The following DNAJB14 variants were observed in gnomAD, a reference collection of about 807,000 sequenced individuals.
The protein encoded by DNAJB14 is dnaJ homolog subfamily B member 14.
DNAJB14 carries 22 observed loss-of-function variants against 48.4 expected under a neutral mutation model. That is an observed-to-expected ratio of 0.45 (90% CI 0.32 to 0.65). The LOEUF is 0.65. Ranked by LOEUF, DNAJB14 falls within the 30% of genes least tolerant of loss-of-function variation. The probability of loss-of-function intolerance (pLI) is 0.03; values close to 1 mark genes in which losing one functional copy is unlikely to be tolerated. For missense variants in DNAJB14, 319 were observed against 458.8 expected, an observed-to-expected ratio of 0.70 and a Z score of 2.78; for synonymous variants, 142 against 158.7, an observed-to-expected ratio of 0.89 and a Z score of 0.79.
intron 6 of DNAJB14, 30 bp downstream of exon 6, chr4:99,905,566 AT>A (rs2110193311): frequency 1.3e-6 from 2 of 1,557,348 alleles, no homozygotes; most frequent in East Asian, 2.3e-5. Flanking sequence ...GCAACAATTC[AT>A]TTTTTGTAAA....
At chr4:99,918,969 C>G (rs139269257) in intron 3 of DNAJB14, among the ~76,000 whole-genome samples, 1 of 152,122 alleles carries the variant, frequency 6.6e-6, no homozygotes, top group African/African-American at 2.4e-5. Context: ...TCTAGTTAAC[C>G]TTCTCTGTTA....
Position 99,905,639 on chromosome 4 carries a change from T to G in DNAJB14, c.800A>C (p.Gln267Pro), listed in dbSNP as rs773962808. Reference sequence around the variant, plus strand: ...ATAAGGAGGATTAGAGACCATCAACTGGCTTAATAATGACACGAGGATCAA... The same window carrying G: ...ATAAGGAGGATTAGAGACCATCAACGGGCTTAATAATGACACGAGGATCAA... The part of the protein sequence containing the change: ...IVLILVSLLS[Q>P]LMVSNPPYSL... The change falls in exon 6 of 8, where the codon CAG (glutamine) becomes CCG (proline). Residue 267 changes from glutamine to proline, a missense_variant. By Grantham distance (76) the Gln-to-Pro change is moderately conservative. Transcript: ENST00000442697. 1.2e-6 allele frequency: 2 copies of G among 1,611,978 alleles called. No homozygotes were observed. The highest frequency in any genetic ancestry group is 2.2e-5 in the South Asian group (2 of 91,004).
intron 2 of DNAJB14, chr4:99,924,641 T>C: frequency 7.6e-7 from 1 of 1,310,586 alleles, no homozygotes; most frequent in Middle Eastern, 1.9e-4. Flanking sequence ...GCATTTGACA[T>C]ATATCTGTAA....
At chr4:99,937,209 C>T (rs528822087) in intron 1 of DNAJB14, among the ~76,000 whole-genome samples, 1 of 151,928 alleles carries the variant, frequency 6.6e-6, no homozygotes, top group Non-Finnish European at 1.5e-5. Context: ...CCCAGCTACT[C>T]GGGAGGCTGA....
rs1726122998 is a variant in DNAJB14, at chr4:99,923,184, T to C, written c.307A>G (p.Ile103Val). The C allele has an allele frequency of 6.2e-7, 1 of 1,610,150 alleles. No homozygotes were observed. The highest frequency in any genetic ancestry group is 8.5e-7 in the Non-Finnish European group (1 of 1,178,190). ...TKDQVDGVLSINKCKNYYEVL... is the reference protein window; with the variant it reads ...TKDQVDGVLSVNKCKNYYEVL... Reference sequence around the variant, plus strand: ...TCATAGTAATTTTTACATTTGTTTATGCTGTGAACAAGAGAGTGTGTTATA... The same window carrying C: ...TCATAGTAATTTTTACATTTGTTTACGCTGTGAACAAGAGAGTGTGTTATA... The change falls in exon 3 of 8, where the codon ATA (isoleucine) becomes GTA (valine). Residue 103 changes from isoleucine (I) to valine (V), a missense_variant and splice_region_variant. Around this residue, in one of 3 missense-constraint regions of DNAJB14, gnomAD observed 116 missense variants for 134.6 expected, o/e 0.86. Transcript: ENST00000442697.
chr4:99,946,329 G>C (rs1727073964), intron 1 of DNAJB14, 110 bp downstream of exon 1: 2 of 1,504,032 alleles, frequency 1.3e-6, no homozygotes, highest in African/African-American at 1.4e-5. Context: ...GGCTGGCTCA[G>C]ACAGGCCGGG....
chr4:99,921,095 T>C (rs531471761), intron 3 of DNAJB14, among the ~76,000 whole-genome samples: 1 of 152,354 alleles, frequency 6.6e-6, no homozygotes, highest in South Asian at 2.1e-4. Flanking sequence ...TAACTACTGT[T>C]ACTCGCCAAG....
intron 1 of DNAJB14, among the ~76,000 whole-genome samples, chr4:99,936,148 GTAC>G: frequency 6.6e-6 from 1 of 152,230 alleles, no homozygotes; most frequent in East Asian, 1.9e-4. Flanking sequence ...GGGCTTTTAT[GTAC>G]TAAAATACAT....
chr4:99,940,937 C>CTATA (rs1162373717), intron 1 of DNAJB14, among the ~76,000 whole-genome samples: 3 of 149,342 alleles, frequency 2.0e-5, no homozygotes, highest in Non-Finnish European at 4.5e-5. Flanking sequence ...GAGACAATCC[C>CTATA]TATATATATA....
intron 1 of DNAJB14, 138 bp from the exon 2 acceptor site, chr4:99,930,759 G>A (rs912805739): frequency 1.2e-5 from 10 of 834,666 alleles, no homozygotes; most frequent in South Asian, 2.3e-5. Context: ...TAATTAGCAC[G>A]CATTCCCCTA....
chr4:99,905,993 C>A (rs1725452476), intron 5 of DNAJB14: 7 of 1,292,990 alleles, frequency 5.4e-6, no homozygotes, highest in Non-Finnish European at 6.9e-6. Flanking sequence ...CCCCCACACA[C>A]AGAGACGCTA....
intron 1 of DNAJB14, among the ~76,000 whole-genome samples, chr4:99,932,559 G>A (rs1726515247): frequency 6.6e-6 from 1 of 152,162 alleles, no homozygotes; most frequent in Non-Finnish European, 1.5e-5. Flanking sequence ...TAGTGAGAAT[G>A]TAAAATGATG....
intron 3 of DNAJB14, among the ~76,000 whole-genome samples, chr4:99,915,108 C>A (rs184591021): frequency 6.6e-6 from 1 of 152,114 alleles, no homozygotes; most frequent in African/African-American, 2.4e-5. Context: ...TGAGGCTGTT[C>A]TTCTTTTCTA....
chr4:99,906,001 C>A (rs1725453681), intron 5 of DNAJB14: 2 of 1,296,676 alleles, frequency 1.5e-6, no homozygotes, highest in Non-Finnish European at 2.0e-6. Flanking sequence ...CACAGAGACG[C>A]TATCAATATG....
chr4:99,910,767 G>T (rs776324904), intron 3 of DNAJB14, among the ~76,000 whole-genome samples: 8 of 151,004 alleles, frequency 5.3e-5, no homozygotes, highest in Non-Finnish European at 1.2e-4. Flanking sequence ...AATTTATTTT[G>T]GTATTCATAA....
chr4:99,901,237 C>G (rs958216909), intron 7 of DNAJB14, 85 bp from the exon 8 acceptor site: 18 of 1,190,474 alleles, frequency 1.5e-5, no homozygotes, highest in South Asian at 8.1e-5. Context: ...TTACAGGAGC[C>G]CTTTGATATA....
At chr4:99,946,381 G>A (rs1393580648) in intron 1 of DNAJB14, 58 bp downstream of exon 1, 1 of 1,557,798 alleles carries the variant, frequency 6.4e-7, no homozygotes, top group African/African-American at 1.4e-5. Flanking sequence ...GGGGGCAGGG[G>A]CGGGCTACGC....
chr4:99,930,216 AATT>A (rs1726412483), intron 2 of DNAJB14: 1 of 335,308 alleles, frequency 3.0e-6, no homozygotes, highest in African/African-American at 2.1e-5. Flanking sequence ...TTCTTAAAAA[AATT>A]ATTTGGAAAA....
At position 99,899,782 on chromosome 4, in the gene DNAJB14, A is replaced by T. The variant is rs1201257395; in HGVS notation, c.*1246T>A. 1 of 152,066 alleles carries T rather than the reference A, an allele frequency of 6.6e-6. No homozygotes were observed. The allele number at this position is 152,066 out of a possible 1,614,324, so 9.4% of individuals were successfully genotyped here. On this transcript the variant is annotated 3_prime_UTR_variant, in exon 8 of 8. Coordinates refer to ENST00000442697, the MANE Select transcript of DNAJB14 (RefSeq NM_001031723.4). ...GTTTCATATCCAGTATACAGGCATCAAAAACTTCAATTTCCAGCTGTTTTT... is the reference window on the plus strand; with the variant it reads ...GTTTCATATCCAGTATACAGGCATCTAAAACTTCAATTTCCAGCTGTTTTT...
Sources: gnomAD v4.1 joint callset for allele counts (sites outside exome capture counted in the v4.1 genomes callset) on GRCh38, gnomAD v4.1.1 for gene constraint, gnomAD v4.1.1 regional missense constraint, MANE v1.5 for transcripts, NCBI Gene and HGNC (gene_info 2026-07-23, HGNC 2026-07-21) for gene names.